The following AGBL1 variants were observed in gnomAD, a reference collection of about 807,000 sequenced individuals.
AGBL1 encodes the protein cytosolic carboxypeptidase 4.
AGBL1 carries 130 observed loss-of-function variants against 118.9 expected under a neutral mutation model. The observed-to-expected ratio is 1.09, with a 90% confidence interval of 0.95 to 1.26. The LOEUF (loss-of-function observed/expected upper bound fraction) is 1.26, where lower values mean the gene tolerates loss of function less well. Among genes scored for constraint, AGBL1 ranks in the 50% most tolerant of loss-of-function variants. The pLI is 0.00. For missense variants in AGBL1, 1,584 were observed against 1,298.1 expected (o/e 1.22, Z -3.38); for synonymous variants, 555 against 478.9 (o/e 1.16, Z -2.08).
intron 22 of AGBL1, among the ~76,000 whole-genome samples, chr15:86,685,435 CTAAAT>C (rs2086036873): frequency 6.6e-6 from 1 of 152,004 alleles, no homozygotes; most frequent in Admixed American, 6.6e-5. Context: ...GGAATGGAAA[CTAAAT>C]TAGAGTCAAT....
intron 21 of AGBL1, among the ~76,000 whole-genome samples, chr15:86,593,842 T>C (rs913240999): frequency 6.6e-6 from 1 of 152,232 alleles, no homozygotes; most frequent in East Asian, 1.9e-4. Context: ...TTCATATAAA[T>C]GGAATCATAC....
At chr15:86,946,677 G>T (rs376767817) in intron 23 of AGBL1, among the ~76,000 whole-genome samples, 2 of 151,402 alleles carry the variant, frequency 1.3e-5, no homozygotes, top group Admixed American at 6.6e-5. Flanking sequence ...GAGAAACCCC[G>T]TCTCTACTAA....
intron 18 of AGBL1, among the ~76,000 whole-genome samples, chr15:86,513,461 C>T (rs2068853666): frequency 6.6e-6 from 1 of 151,948 alleles, no homozygotes; most frequent in Non-Finnish European, 1.5e-5. Context: ...TAACTTTGAT[C>T]ATTTGAATAA....
chr15:86,418,713 C>G (rs2081738138), intron 18 of AGBL1, among the ~76,000 whole-genome samples: 1 of 152,128 alleles, frequency 6.6e-6, no homozygotes, highest in Non-Finnish European at 1.5e-5. Flanking sequence ...GAGGAGACCC[C>G]AGCTCCTGAC....
intron 18 of AGBL1, among the ~76,000 whole-genome samples, chr15:86,406,575 T>C (rs2081533559): frequency 6.6e-6 from 1 of 152,212 alleles, no homozygotes; most frequent in Non-Finnish European, 1.5e-5. Context: ...TCTATTATAA[T>C]TACATAGTGC....
intron 18 of AGBL1, among the ~76,000 whole-genome samples, chr15:86,494,462 G>T (rs1258484333): frequency 6.6e-6 from 1 of 151,906 alleles, no homozygotes; most frequent in Admixed American, 6.6e-5. Context: ...CCCCTCACTG[G>T]CTCTTCCCAT....
intron 22 of AGBL1, among the ~76,000 whole-genome samples, chr15:86,828,194 C>T (rs968094540): frequency 2.3e-4 from 35 of 151,648 alleles, no homozygotes; most frequent in African/African-American, 8.0e-4. Context: ...CCTCCTGCCT[C>T]GGCTTCCCAA....
At chr15:86,564,019 T>G (rs571516130) in intron 21 of AGBL1, among the ~76,000 whole-genome samples, 1 of 152,214 alleles carries the variant, frequency 6.6e-6, no homozygotes, top group African/African-American at 2.4e-5. Context: ...TGAGCCTATT[T>G]GTGTTTCTGA....
At chr15:86,126,997 T>C (rs1416118593) in intron 1 of AGBL1, among the ~76,000 whole-genome samples, 2 of 152,318 alleles carry the variant, frequency 1.3e-5, no homozygotes, top group East Asian at 3.9e-4. Flanking sequence ...ATGGCTTAAA[T>C]ACTTCTGAGA....
At chr15:86,246,972 C>G (rs1388608116) in intron 6 of AGBL1, among the ~76,000 whole-genome samples, 1 of 152,152 alleles carries the variant, frequency 6.6e-6, no homozygotes, top group Non-Finnish European at 1.5e-5. Flanking sequence ...TGTCTCTCCT[C>G]CCACACTATT....
At chr15:86,836,866 G>T (rs2079177468) in intron 22 of AGBL1, among the ~76,000 whole-genome samples, 6 of 152,116 alleles carry the variant, frequency 3.9e-5, no homozygotes, top group Admixed American at 3.9e-4. Context: ...GCTATGTCTT[G>T]TCCCTGTAAC....
intron 18 of AGBL1, among the ~76,000 whole-genome samples, chr15:86,459,306 C>T (rs74942884): frequency 0.026 from 4,002 of 152,154 alleles, 201 homozygotes; most frequent in African/African-American, 0.091. Flanking sequence ...TTCCTCTGGC[C>T]TAATTTCATG....
chr15:86,823,518 G>A (rs1177521671), intron 22 of AGBL1, among the ~76,000 whole-genome samples: 1 of 152,170 alleles, frequency 6.6e-6, no homozygotes, highest in Non-Finnish European at 1.5e-5. Flanking sequence ...TCAGGGTTAG[G>A]TCTTAGCACA....
At chr15:86,425,533 T>C (rs1176341031) in intron 18 of AGBL1, among the ~76,000 whole-genome samples, 1 of 152,124 alleles carries the variant, frequency 6.6e-6, no homozygotes, top group Non-Finnish European at 1.5e-5. Context: ...GAAGTTAAAG[T>C]ATAATTAAAA....
intron 21 of AGBL1, among the ~76,000 whole-genome samples, chr15:86,608,465 A>G (rs1196167366): frequency 1.3e-5 from 2 of 152,198 alleles, no homozygotes; most frequent in Non-Finnish European, 2.9e-5. Context: ...ATAAGACACT[A>G]TGCAGAGAAA....
chr15:86,903,120 G>GT (rs2080234993), intron 22 of AGBL1, among the ~76,000 whole-genome samples: 1 of 151,428 alleles, frequency 6.6e-6, no homozygotes, highest in Non-Finnish European at 1.5e-5. Flanking sequence ...GTTCAGACTG[G>GT]GTTTTTTCTA....
intron 1 of AGBL1, among the ~76,000 whole-genome samples, chr15:86,096,753 A>G (rs918163833): frequency 1.3e-5 from 2 of 152,204 alleles, no homozygotes; most frequent in African/African-American, 2.4e-5. Context: ...CCCTGGAAGA[A>G]GGAGCTTTTC....
intron 5 of AGBL1, among the ~76,000 whole-genome samples, chr15:86,218,341 G>C (rs542189447): frequency 6.6e-6 from 1 of 152,148 alleles, no homozygotes; most frequent in South Asian, 2.1e-4. Context: ...TCTCTGAAAA[G>C]GGGACGTCTG....
chr15:86,713,425 G>A (rs764510849), intron 22 of AGBL1, among the ~76,000 whole-genome samples: 8 of 152,056 alleles, frequency 5.3e-5, no homozygotes, highest in Non-Finnish European at 1.0e-4. Context: ...ATTAATTATG[G>A]CTATGGAAGT....
Sources: allele counts gnomAD v4.1 joint callset (sites outside exome capture counted in the v4.1 genomes callset), GRCh38; gene constraint gnomAD v4.1.1; transcripts MANE v1.5; gene names NCBI Gene and HGNC (gene_info 2026-07-23, HGNC 2026-07-21).